RAB40B: variants seen among roughly 807,000 people sequenced by gnomAD.
RAB40B encodes the protein ras-related protein Rab-40B.
RAB40B carries 21 observed loss-of-function variants against 24.0 expected under a neutral mutation model. The ratio of observed to expected loss-of-function variants is 0.88; its 90% CI spans 0.62 to 1.26. The LOEUF (loss-of-function observed/expected upper bound fraction) is 1.26. Ranked by LOEUF, RAB40B falls within the 50% of genes most tolerant of loss-of-function variation. The probability of loss-of-function intolerance (pLI) is 0.00; values close to 1 mark genes in which losing one functional copy is unlikely to be tolerated. For missense variants in RAB40B, 348 were observed against 390.5 expected (o/e 0.89, Z 0.92); for synonymous variants, 167 against 169.8 (o/e 0.98, Z 0.13).
intron 1 of RAB40B, among the ~76,000 whole-genome samples, chr17:82,679,327 G>A (rs1033055564): frequency 6.6e-6 from 1 of 150,886 alleles, no homozygotes; most frequent in Admixed American, 6.6e-5. Flanking sequence ...TGTCGCCCAG[G>A]CTGGAGTGCA....
At chr17:82,686,160 G>A (rs536482886) in intron 1 of RAB40B, among the ~76,000 whole-genome samples, 1 of 146,460 alleles carries the variant, frequency 6.8e-6, no homozygotes, top group East Asian at 2.0e-4. Context: ...GCTGGAGGCT[G>A]GAGTGCAGTG....
rs1407100179 is a variant in RAB40B at position 82,675,829 on chromosome 17, G to T, written c.143-11273C>A. ...GGTTTCAGCACCCGAATTTGGGGGGGTCACAAACATTCACTCTCTTGCAGG... is the reference window on the plus strand; with the variant it reads ...GGTTTCAGCACCCGAATTTGGGGGGTTCACAAACATTCACTCTCTTGCAGG... On this transcript the variant is annotated intron_variant, in intron 1 of 5. Coordinates refer to ENST00000571995, the MANE Select transcript of RAB40B (RefSeq NM_006822.3). This position sits in a 1 kb window ranked among gnomAD's most constrained non-coding sequence, Gnocchi z 4.5. Among the ~76,000 whole-genome samples the T allele has an allele frequency of 6.6e-6, 1 of 152,072 alleles. No homozygotes were observed. The highest frequency in any genetic ancestry group is 1.5e-5 in the Non-Finnish European group (1 of 68,004).
intron 1 of RAB40B, among the ~76,000 whole-genome samples, chr17:82,684,487 T>C (rs1568042816): frequency 6.6e-6 from 1 of 152,180 alleles, no homozygotes; most frequent in Non-Finnish European, 1.5e-5. Flanking sequence ...GTCATAAACA[T>C]GCACAGTGGC....
chr17:82,674,415 A>G (rs1202663029), intron 1 of RAB40B, among the ~76,000 whole-genome samples: 1 of 149,500 alleles, frequency 6.7e-6, no homozygotes, highest in Non-Finnish European at 1.5e-5. Flanking sequence ...GCGGATCATG[A>G]GGTCAGGAGT....
In RAB40B at chr17:82,657,628, A is replaced by T; in HGVS notation, c.*235T>A. ...AATTTCATGTTACCAAGAGTCGAGC[A>T]GAGTACTAATTTTCCCTTTACAAAC... On this transcript the variant is annotated 3_prime_UTR_variant, in exon 6 of 6. Transcript: ENST00000571995. 1.5e-6 allele frequency: 1 copy of T among 650,712 alleles called. No homozygotes were observed. The highest frequency in any genetic ancestry group is 2.8e-6 in the Non-Finnish European group (1 of 351,514). 40.3% of individuals were successfully genotyped at this position (650,712 alleles called of 1,614,324 possible).
intron 1 of RAB40B, among the ~76,000 whole-genome samples, chr17:82,669,739 GCCCTGTGAAATT>G (rs2046308963): frequency 6.6e-6 from 1 of 152,128 alleles, no homozygotes; most frequent in Non-Finnish European, 1.5e-5. Context: ...GGAGCTTCAG[GCCCTGTGAAATT>G]ACGCTTTGAG....
intron 1 of RAB40B, among the ~76,000 whole-genome samples, chr17:82,683,904 A>G (rs2046470197): frequency 6.6e-6 from 1 of 152,116 alleles, no homozygotes; most frequent in East Asian, 1.9e-4. Context: ...GTAGATGAGC[A>G]CAGGAAATGC....
rs2046098492 is a variant in RAB40B at position 82,657,617 on chromosome 17, A to G, written c.*246T>C. 1.6e-6 allele frequency: 1 copy of G among 626,046 alleles called. No individual in the cohort carries two copies. Among genetic ancestry groups the G allele is most frequent in the Non-Finnish European group, 2.9e-6 (1 of 339,290 alleles). The allele number at this position is 626,046 out of a possible 1,614,324, so 38.8% of individuals were successfully genotyped here. On this transcript the variant is annotated 3_prime_UTR_variant, in exon 6 of 6. Transcript: ENST00000571995. Reference sequence around the variant, plus strand: ...GTAACATTCAGAATTTCATGTTACCAAGAGTCGAGCAGAGTACTAATTTTC... The same window carrying G: ...GTAACATTCAGAATTTCATGTTACCGAGAGTCGAGCAGAGTACTAATTTTC...
intron 1 of RAB40B, among the ~76,000 whole-genome samples, chr17:82,680,360 T>TGGGCGGGGCCGCTCGGG (rs2046437397): frequency 6.6e-6 from 1 of 152,160 alleles, no homozygotes; most frequent in Non-Finnish European, 1.5e-5. Context: ...GTGTGGGCTC[T>TGGGCGGGGCCGCTCGGG]GGGCGGGGCC....
chr17:82,675,675 C>G lies in RAB40B; in HGVS notation c.143-11119G>C, dbSNP rs2046387271. Among the ~76,000 whole-genome samples, 1 of 152,166 alleles carries G rather than the reference C, an allele frequency of 6.6e-6. No individual in the cohort carries two copies. Among genetic ancestry groups the G allele is most frequent in the Non-Finnish European group, 1.5e-5 (1 of 68,034 alleles). Reference sequence around the variant, plus strand: ...ATCCTGGTTCATGGAGGTGTCTTCTCCCCATGTCCTCCCCTAGCTGGAGGG... The same window carrying G: ...ATCCTGGTTCATGGAGGTGTCTTCTGCCCATGTCCTCCCCTAGCTGGAGGG... On this transcript the variant is annotated intron_variant, in intron 1 of 5. Coordinates refer to ENST00000571995, the MANE Select transcript of RAB40B (RefSeq NM_006822.3). This position sits in a 1 kb window ranked among gnomAD's most constrained non-coding sequence, Gnocchi z 4.5.
chr17:82,698,082 C>A (rs1327478345), intron 1 of RAB40B, among the ~76,000 whole-genome samples: 2 of 152,058 alleles, frequency 1.3e-5, no homozygotes, highest in African/African-American at 2.4e-5. Flanking sequence ...CCCCGGGTCC[C>A]CACAGCAGCG....
At position 82,664,535 on chromosome 17, in the gene RAB40B, G is replaced by T; in HGVS notation, c.164C>A (p.Thr55Asn). The change falls in exon 2 of 6, where the codon ACC becomes AAC. Residue 55 changes from threonine (T) to asparagine (N), a missense_variant. Physicochemically the swap from Thr to Asn is moderately conservative, Grantham distance 65. Coordinates refer to ENST00000571995, the MANE Select transcript of RAB40B (RefSeq NM_006822.3). ...HPAGIDYKTTTILLDGRRVKL... is the reference protein window; with the variant it reads ...HPAGIDYKTTNILLDGRRVKL... ...CACCCGCCGCCCGTCCAGCAGGATG[G>T]TGGTCGTCTTGTAGTCGATGCCTGC... 1.2e-6 allele frequency: 2 copies of T among 1,613,650 alleles called. No homozygotes were observed. Among genetic ancestry groups the T allele is most frequent in the African/African-American group, 1.3e-5 (1 of 75,012 alleles).
chr17:82,658,819 C>T, intron 4 of RAB40B, 106 bp from the exon 5 acceptor site: 1 of 985,718 alleles, frequency 1.0e-6, no homozygotes, highest in Non-Finnish European at 1.5e-6. Context: ...AGTTCATGTC[C>T]ACCCAGAACC....
chr17:82,682,102 T>C (rs750673253), intron 1 of RAB40B, among the ~76,000 whole-genome samples: 1 of 108,728 alleles, frequency 9.2e-6, no homozygotes, highest in South Asian at 3.3e-4. Context: ...ATGACATTAC[T>C]ATACACACAC....
At chr17:82,689,817 A>G (rs1185654905) in intron 1 of RAB40B, among the ~76,000 whole-genome samples, 1 of 151,950 alleles carries the variant, frequency 6.6e-6, no homozygotes, top group Non-Finnish European at 1.5e-5. Context: ...AACTACAAAA[A>G]ATTAGCTGGA....
chr17:82,684,257 G>A (rs999412766), intron 1 of RAB40B, among the ~76,000 whole-genome samples: 1 of 149,524 alleles, frequency 6.7e-6, no homozygotes, highest in Non-Finnish European at 1.5e-5. Flanking sequence ...AGATACCACT[G>A]CACACCCATG....
At chr17:82,678,954 C>T (rs1012094544) in intron 1 of RAB40B, among the ~76,000 whole-genome samples, 123 of 137,852 alleles carry the variant, frequency 8.9e-4, no homozygotes, top group Non-Finnish European at 1.6e-3. Context: ...GCCATCTCGG[C>T]TCACTGCAAG....
intron 1 of RAB40B, among the ~76,000 whole-genome samples, chr17:82,677,812 C>T (rs1017931887): frequency 1.3e-5 from 2 of 152,226 alleles, no homozygotes; most frequent in African/African-American, 2.4e-5. Context: ...AGTGATGCTG[C>T]GGTGCTGCAC....
chr17:82,670,695 C>T (rs932652671), intron 1 of RAB40B, among the ~76,000 whole-genome samples: 24 of 151,902 alleles, frequency 1.6e-4, no homozygotes, highest in African/African-American at 5.1e-4. Context: ...CCACCACGCC[C>T]GGCTCATTTT....
Sources: allele counts gnomAD v4.1 joint callset (sites outside exome capture counted in the v4.1 genomes callset), GRCh38; gene constraint gnomAD v4.1.1; non-coding constraint Gnocchi (gnomAD v3.1); transcripts MANE v1.5; gene names NCBI Gene and HGNC (gene_info 2026-07-23, HGNC 2026-07-21).